The following VOPP1 variants were observed in gnomAD, a reference collection of about 807,000 sequenced individuals.
VOPP1 encodes VOPP1 WW domain binding protein.
In VOPP1, 8 loss-of-function variants were observed where a neutral mutation model predicts 23.5. The observed-to-expected ratio is 0.34, with a 90% CI of 0.20 to 0.61. The LOEUF is 0.61. VOPP1 is among the 20% of genes least tolerant of loss of function. VOPP1 has a pLI of 0.78. For synonymous variants in VOPP1, 83 were observed against 97.3 expected (o/e 0.85, Z 0.86); for missense variants, 174 against 238.1 (o/e 0.73, Z 1.77).
intron 2 of VOPP1, chr7:55,515,835 G>T: frequency 2.7e-6 from 1 of 370,530 alleles, no homozygotes. Flanking sequence ...GCTCTTCTCT[G>T]ACAAACGCCA....
At chr7:55,552,541 C>T in intron 1 of VOPP1, 1 of 1,511,010 alleles carries the variant, frequency 6.6e-7, no homozygotes, top group Non-Finnish European at 8.9e-7. Flanking sequence ...GCAACACAAG[C>T]ATGATTTTCC....
rs745834315 is a variant in VOPP1 at position 55,538,615 on chromosome 7, G to A, written c.55-17485C>T. The A allele has an allele frequency of 8.4e-4, 1,286 of 1,535,796 alleles. 2 individuals are homozygous for A. Among genetic ancestry groups the A allele is most frequent in the South Asian group, 1.1e-3 (89 of 84,064 alleles). On this transcript the variant is annotated intron_variant, in intron 1 of 4. Transcript: ENST00000285279. ...CATAATAATCCATCTATACAAACCTGCAAGAGCACAGAAGACAGATACCCA... is the reference window on the plus strand; with the variant it reads ...CATAATAATCCATCTATACAAACCTACAAGAGCACAGAAGACAGATACCCA...
intron 1 of VOPP1, among the ~76,000 whole-genome samples, chr7:55,531,381 G>A (rs987875397): frequency 5.7e-5 from 8 of 140,704 alleles, no homozygotes; most frequent in Non-Finnish European, 1.2e-4. Flanking sequence ...AGGGAGTCTC[G>A]CTGTGTCGCC....
At chr7:55,551,024 C>G (rs1207778675) in intron 1 of VOPP1, among the ~76,000 whole-genome samples, 1 of 152,146 alleles carries the variant, frequency 6.6e-6, no homozygotes, top group East Asian at 1.9e-4. Flanking sequence ...GGCATGGTGA[C>G]AGGCGAAGGG....
chr7:55,463,532 A>T (rs1444196168), intron 4 of VOPP1, among the ~76,000 whole-genome samples: 1 of 152,116 alleles, frequency 6.6e-6, no homozygotes, highest in Non-Finnish European at 1.5e-5. Flanking sequence ...ATATTTCTTC[A>T]GCTATAATCA....
At chr7:55,565,168 T>C in intron 1 of VOPP1, among the ~76,000 whole-genome samples, 1 of 152,212 alleles carries the variant, frequency 6.6e-6, no homozygotes, top group East Asian at 1.9e-4. Context: ...GGTCACTGTT[T>C]GCCAATTATC....
intron 1 of VOPP1, among the ~76,000 whole-genome samples, chr7:55,556,317 G>T (rs1178318936): frequency 6.6e-6 from 1 of 152,190 alleles, no homozygotes; most frequent in African/African-American, 2.4e-5. Context: ...AGTGAGCCTT[G>T]CCAGTTCCTT....
rs183686199 is a variant in VOPP1, at chr7:55,451,491, T to C, written n.418-15317A>G. ...AAAAGCCACAATGTACATAGCTTCA[T>C]TAAAAAATACTTTATTGTGGCCGGA... On this transcript the variant is annotated intron_variant and non_coding_transcript_variant, in intron 4 of 4. Coordinates refer to the VOPP1 transcript ENST00000462326. 3.5e-4 allele frequency among the ~76,000 whole-genome samples: 54 copies of C among 152,344 alleles called. No homozygotes were observed. In the East Asian group the frequency reaches 0.01, roughly 29 times the overall value.
intron 4 of VOPP1, among the ~76,000 whole-genome samples, chr7:55,485,577 A>C (rs13225043): frequency 0.31 from 47,735 of 152,136 alleles, 8,087 homozygotes; most frequent in Non-Finnish European, 0.39. Flanking sequence ...GTCGGAAGTC[A>C]CTGTCGCCCT....
intron 2 of VOPP1, among the ~76,000 whole-genome samples, chr7:55,518,311 A>C (rs923413763): frequency 6.6e-6 from 1 of 152,230 alleles, no homozygotes; most frequent in Non-Finnish European, 1.5e-5. Context: ...GGTCACTTTA[A>C]AACGGTTAAT....
At chr7:55,538,647 T>C in intron 1 of VOPP1, 1 of 1,536,054 alleles carries the variant, frequency 6.5e-7, no homozygotes, top group Non-Finnish European at 8.7e-7. Flanking sequence ...CCCAAGAGTT[T>C]CGCTGAGCAT....
chr7:55,458,726 T>C (rs1389214270), intron 4 of VOPP1, among the ~76,000 whole-genome samples: 1 of 152,150 alleles, frequency 6.6e-6, no homozygotes, highest in African/African-American at 2.4e-5. Context: ...ATACTACTAA[T>C]ATTATATTCT....
At chr7:55,548,165 G>A (rs73141709) in intron 1 of VOPP1, among the ~76,000 whole-genome samples, 13,957 of 152,202 alleles carry the variant, frequency 0.092, 898 homozygotes, top group East Asian at 0.27. Context: ...ATTCTATTTC[G>A]TTTACACATG....
At chr7:55,557,536 G>T (rs1000783924) in intron 1 of VOPP1, among the ~76,000 whole-genome samples, 1 of 151,160 alleles carries the variant, frequency 6.6e-6, no homozygotes, top group Admixed American at 6.6e-5. Context: ...TATTTCAATC[G>T]TTGGCTTGAC....
chr7:55,540,061 G>T (rs547552318), intron 1 of VOPP1, among the ~76,000 whole-genome samples: 2 of 151,920 alleles, frequency 1.3e-5, no homozygotes, highest in Admixed American at 1.3e-4. Flanking sequence ...AAATGTTGGC[G>T]AACTTCCCTG....
rs546941688 is a variant in VOPP1 at position 55,521,728 on chromosome 7, A to ACAGGG, written c.55-603_55-599dup. On this transcript the variant is annotated intron_variant, in intron 1 of 4. Transcript: ENST00000285279. ...CATCCCGGAGGCAGGGCCCAGCCCC[A>ACAGGG]CAGGGCAGGGCAGGGCAGGGCAGGG... 331 of 985,202 alleles carry ACAGGG rather than the reference A, an allele frequency of 3.4e-4. 1 individual carries two copies. Among genetic ancestry groups the ACAGGG allele is most frequent in the South Asian group, 7.0e-4 (15 of 21,310 alleles). 61.0% of individuals were successfully genotyped at this position (985,202 alleles called of 1,614,324 possible).
intron 1 of VOPP1, among the ~76,000 whole-genome samples, chr7:55,533,918 C>T (rs575455127): frequency 6.6e-6 from 1 of 152,028 alleles, no homozygotes; most frequent in Non-Finnish European, 1.5e-5. Context: ...TGAAAACACC[C>T]ACAGGAAGGA....
chr7:55,483,378 T>C (rs1240865212), intron 4 of VOPP1, among the ~76,000 whole-genome samples: 7 of 152,130 alleles, frequency 4.6e-5, no homozygotes, highest in South Asian at 2.1e-4. Flanking sequence ...CCTGATAACA[T>C]GTTATGATTA....
chr7:55,456,976 ATAT>A (rs1001360143), intron 4 of VOPP1, among the ~76,000 whole-genome samples: 26 of 152,294 alleles, frequency 1.7e-4, no homozygotes, highest in African/African-American at 4.3e-4. Context: ...ATTATAAAAT[ATAT>A]TATTAACTAT....
Sources: gnomAD v4.1 joint callset for allele counts (sites outside exome capture counted in the v4.1 genomes callset) on GRCh38, gnomAD v4.1.1 for gene constraint, MANE v1.5 for transcripts, NCBI Gene and HGNC (gene_info 2026-07-23, HGNC 2026-07-21) for gene names.